The following RGS21 variants were observed in gnomAD, a reference collection of about 807,000 sequenced individuals.
RGS21 encodes regulator of G protein signaling 21, also known as regulator of G-protein signalling 21.
A neutral mutation model predicts 18.7 loss-of-function variants in RGS21; 19 were observed. The observed-to-expected ratio is 1.01, with a 90% CI of 0.71 to 1.49. The LOEUF (loss-of-function observed/expected upper bound fraction) is 1.49. Among genes scored for constraint, RGS21 ranks in the 40% most tolerant of loss-of-function variants. RGS21 has a pLI of 0.00. For missense variants in RGS21, 194 were observed against 176.8 expected (o/e 1.10, Z -0.55); for synonymous variants, 56 against 57.8 (o/e 0.97, Z 0.14).
At chr1:192,324,676 C>T (rs537567715) in intron 1 of RGS21, among the ~76,000 whole-genome samples, 3 of 152,022 alleles carry the variant, frequency 2.0e-5, no homozygotes, top group African/African-American at 7.2e-5. Context: ...ATAAAACACA[C>T]ACACACATAA....
In RGS21 at chr1:192,342,618, G is replaced by T. The variant is rs924189135; in HGVS notation, c.-60-359G>T. ...AAAGGAAAACAAAATGATCTCTTAG[G>T]CAGATTAAAGACTTAAAGGTGAATA... On this transcript the variant is annotated intron_variant, in intron 1 of 4. Coordinates refer to ENST00000417209, the MANE Select transcript of RGS21 (RefSeq NM_001039152.3). 4.0e-5 allele frequency among the ~76,000 whole-genome samples: 6 copies of T among 151,630 alleles called. No homozygotes were observed. The East Asian group carries it at 1.2e-3, about 29-fold the overall frequency.
chr1:192,326,772 A>T (rs1658573485), intron 1 of RGS21, among the ~76,000 whole-genome samples: 1 of 152,194 alleles, frequency 6.6e-6, no homozygotes, highest in East Asian at 1.9e-4. Flanking sequence ...CAAACTTTGG[A>T]AGTAGCATCT....
chr1:192,359,446 G>T (rs1659153657), intron 4 of RGS21, among the ~76,000 whole-genome samples: 2 of 151,766 alleles, frequency 1.3e-5, no homozygotes, highest in African/African-American at 4.8e-5. Flanking sequence ...CCCACCTTCA[G>T]TATACTTCAA....
At chr1:192,325,970 T>G (rs1369532543) in intron 1 of RGS21, among the ~76,000 whole-genome samples, 1 of 152,092 alleles carries the variant, frequency 6.6e-6, no homozygotes, top group Admixed American at 6.6e-5. Context: ...ATATGTTAAC[T>G]TGAAAAACAG....
At chr1:192,362,412 A>AT (rs1201415073) in intron 4 of RGS21, among the ~76,000 whole-genome samples, 4 of 152,220 alleles carry the variant, frequency 2.6e-5, no homozygotes, top group African/African-American at 9.6e-5. Context: ...AAATTAGAAA[A>AT]TAAAAAAAAG....
chr1:192,366,323 T>C lies in RGS21; in HGVS notation c.*199T>C, dbSNP rs1229291039. On this transcript the variant is annotated 3_prime_UTR_variant, in exon 5 of 5. Coordinates refer to ENST00000417209, the MANE Select transcript of RGS21 (RefSeq NM_001039152.3). ...TATTTGCTTTACCAGCTATTTAATC[T>C]CCTACTGGGGGAGTACAAAGAAAGT... The C allele has an allele frequency of 2.0e-6, 1 of 506,244 alleles. No homozygotes were observed. The highest frequency in any genetic ancestry group is 3.6e-5 in the East Asian group (1 of 28,016). 31.4% of individuals were successfully genotyped at this position (506,244 alleles called of 1,614,324 possible). A position where few individuals can be genotyped will look rare whatever the true frequency, so the allele number is the denominator to read the frequency against.
At chr1:192,320,574 G>A (rs1302132703) in intron 1 of RGS21, among the ~76,000 whole-genome samples, 2 of 151,652 alleles carry the variant, frequency 1.3e-5, no homozygotes, top group East Asian at 1.9e-4. Flanking sequence ...GTATGTGTGA[G>A]GATGTGTTGT....
chr1:192,345,652 T>C (rs1341071757), intron 2 of RGS21, among the ~76,000 whole-genome samples: 2 of 152,084 alleles, frequency 1.3e-5, no homozygotes, highest in Non-Finnish European at 2.9e-5. Flanking sequence ...CCTGGCTGCC[T>C]GTTCCTCATT....
intron 2 of RGS21, among the ~76,000 whole-genome samples, chr1:192,344,290 C>T (rs1467088715): frequency 6.6e-6 from 1 of 151,896 alleles, no homozygotes; most frequent in Non-Finnish European, 1.5e-5. Flanking sequence ...GAATAAAGTA[C>T]AAATATATAT....
chr1:192,324,063 T>C (rs1658531668), intron 1 of RGS21, among the ~76,000 whole-genome samples: 1 of 152,090 alleles, frequency 6.6e-6, no homozygotes, highest in Admixed American at 6.6e-5. Context: ...AATATATAGC[T>C]ACATATAGAA....
intron 1 of RGS21, among the ~76,000 whole-genome samples, chr1:192,336,034 G>A (rs539144068): frequency 1.2e-4 from 19 of 152,294 alleles, no homozygotes; most frequent in South Asian, 1.0e-3. Context: ...AACAACTTGC[G>A]TAATGCTCTT....
chr1:192,340,753 C>T (rs1011869858), intron 1 of RGS21, among the ~76,000 whole-genome samples: 1 of 152,008 alleles, frequency 6.6e-6, no homozygotes, highest in South Asian at 2.1e-4. Flanking sequence ...ACAATCACAG[C>T]TGTTGAAAGG....
intron 2 of RGS21, among the ~76,000 whole-genome samples, chr1:192,343,830 G>T (rs1658908515): frequency 6.6e-6 from 1 of 151,936 alleles, no homozygotes; most frequent in South Asian, 2.1e-4. Flanking sequence ...AGACAAAACT[G>T]CTGTTAAAAT....
chr1:192,348,357 G>A (rs1374663749), intron 3 of RGS21, among the ~76,000 whole-genome samples: 2 of 151,842 alleles, frequency 1.3e-5, no homozygotes, highest in Non-Finnish European at 2.9e-5. Context: ...GACTGCCTTT[G>A]GTACAAGTTG....
Position 192,365,907 on chromosome 1 carries a change from C to T in RGS21, c.256-14C>T. On this transcript the variant is annotated splice_polypyrimidine_tract_variant and intron_variant, in intron 4 of 4. Coordinates refer to ENST00000417209, the MANE Select transcript of RGS21 (RefSeq NM_001039152.3). ...TTAAACTAATTCAATGATATGCAAC[C>T]TTATTTTCCACAGATTAACATTGAC... The T allele has an allele frequency of 6.7e-7, 1 of 1,483,940 alleles. No individual in the cohort carries two copies. Among genetic ancestry groups the T allele is most frequent in the Non-Finnish European group, 9.4e-7 (1 of 1,066,244 alleles). The allele number at this position is 1,483,940 out of a possible 1,614,324, so 91.9% of individuals were successfully genotyped here.
chr1:192,322,517 C>T (rs781562781), intron 1 of RGS21, among the ~76,000 whole-genome samples: 25 of 152,120 alleles, frequency 1.6e-4, no homozygotes, highest in Non-Finnish European at 3.4e-4. Flanking sequence ...CATTCTCAAA[C>T]ATACAACTGA....
chr1:192,350,335 T>G (rs1038278643), intron 3 of RGS21, among the ~76,000 whole-genome samples: 4 of 152,210 alleles, frequency 2.6e-5, no homozygotes, highest in Non-Finnish European at 5.9e-5. Context: ...CTTTTCTATT[T>G]TATTTCTATA....
chr1:192,321,209 T>C (rs1417070693), intron 1 of RGS21, among the ~76,000 whole-genome samples: 2 of 152,052 alleles, frequency 1.3e-5, no homozygotes, highest in East Asian at 3.9e-4. Context: ...TCGACCCCAT[T>C]TTTTCTAGTA....
chr1:192,359,655 G>GTGTATA (rs1553241170), intron 4 of RGS21, among the ~76,000 whole-genome samples: 42 of 124,278 alleles, frequency 3.4e-4, no homozygotes, highest in African/African-American at 6.3e-4. Context: ...GTGTGTGTGT[G>GTGTATA]TATATATATA....
Sources: gnomAD v4.1 joint callset for allele counts (sites outside exome capture counted in the v4.1 genomes callset) on GRCh38, gnomAD v4.1.1 for gene constraint, MANE v1.5 for transcripts, NCBI Gene and HGNC (gene_info 2026-07-23, HGNC 2026-07-21) for gene names.